Variants in PDE4D observed in about 807,000 individuals in gnomAD.
PDE4D encodes the protein 3',5'-cyclic-AMP phosphodiesterase 4D.
In PDE4D, 24 loss-of-function variants were observed where a neutral mutation model predicts 87.4. The observed-to-expected ratio is 0.27, with a 90% CI of 0.20 to 0.39. The LOEUF (loss-of-function observed/expected upper bound fraction) is 0.39. PDE4D is among the 10% of genes least tolerant of loss of function. PDE4D has a pLI of 1.00. For synonymous variants in PDE4D, 384 were observed against 383.2 expected, an observed-to-expected ratio of 1.00 and a Z score of -0.02; for missense variants, 714 against 1,041.0, an observed-to-expected ratio of 0.69 and a Z score of 4.32.
intron 3 of PDE4D, among the ~76,000 whole-genome samples, chr5:59,961,357 C>T (rs1224396100): frequency 6.6e-6 from 1 of 151,462 alleles, no homozygotes; most frequent in Non-Finnish European, 1.5e-5. Flanking sequence ...CCTCATGAAG[C>T]CCCATGCCAA....
chr5:59,727,733 C>A (rs1168986328), intron 1 of PDE4D, among the ~76,000 whole-genome samples: 2 of 152,012 alleles, frequency 1.3e-5, no homozygotes, highest in African/African-American at 4.8e-5. Context: ...TGTTCTTTTA[C>A]TCAGCAGTAA....
intron 1 of PDE4D, among the ~76,000 whole-genome samples, chr5:60,487,252 A>G (rs1454837124): frequency 6.6e-6 from 1 of 152,176 alleles, no homozygotes; most frequent in African/African-American, 2.4e-5. Context: ...ACAAATTCCA[A>G]TCCACATACT....
At chr5:59,400,314 CA>C (rs1790342922) in intron 1 of PDE4D, among the ~76,000 whole-genome samples, 1 of 115,428 alleles carries the variant, frequency 8.7e-6, no homozygotes. Context: ...TTCACAATAG[CA>C]AAGACTTGGA....
chr5:60,112,767 G>A (rs999664108), intron 2 of PDE4D, among the ~76,000 whole-genome samples: 1 of 152,006 alleles, frequency 6.6e-6, no homozygotes, highest in African/African-American at 2.4e-5. Context: ...TTAGTTCCTG[G>A]CTATATCCTA....
chr5:60,488,061 T>C (rs1359832600), exon 1 of PDE4D: 1 of 152,638 alleles, frequency 6.6e-6, no homozygotes, highest in Non-Finnish European at 1.5e-5. Flanking sequence ...GTACGCCAAC[T>C]ATAGGACTCG....
intron 1 of PDE4D, among the ~76,000 whole-genome samples, chr5:59,293,242 A>G (rs1006800511): frequency 2.0e-5 from 3 of 152,174 alleles, no homozygotes; most frequent in Non-Finnish European, 4.4e-5. Flanking sequence ...AGTTATTTAA[A>G]TGATTCTAGT....
At chr5:59,989,250 A>C (rs1332035157) in intron 2 of PDE4D, among the ~76,000 whole-genome samples, 1 of 151,636 alleles carries the variant, frequency 6.6e-6, no homozygotes, top group African/African-American at 2.4e-5. Context: ...TGTAATAAAT[A>C]CTGTAGGCAA....
intron 1 of PDE4D, among the ~76,000 whole-genome samples, chr5:60,242,677 G>A (rs770683681): frequency 6.6e-6 from 1 of 151,922 alleles, no homozygotes; most frequent in African/African-American, 2.4e-5. Context: ...AAAACAAGAG[G>A]AATTTTGGAA....
intron 1 of PDE4D, among the ~76,000 whole-genome samples, chr5:59,495,897 C>T (rs1426483738): frequency 6.6e-6 from 1 of 152,138 alleles, no homozygotes; most frequent in Non-Finnish European, 1.5e-5. Context: ...CCCCAGTGGG[C>T]ATGTGCTACC....
rs1046909511 is a variant in PDE4D at position 59,589,676 on chromosome 5, T to C, written c.455+303492A>G. Among the ~76,000 whole-genome samples the C allele has an allele frequency of 5.3e-5, 8 of 152,212 alleles. No individual in the cohort carries two copies. In the South Asian group the frequency reaches 6.2e-4, roughly 12 times the overall value. ...AAACCATCACCTATGGGTGATAGGA[T>C]AGTAAGAATACCTCTGAATCTTTCT... On this transcript the variant is annotated intron_variant, in intron 1 of 14. Coordinates refer to ENST00000340635, the MANE Select transcript of PDE4D (RefSeq NM_001104631.2).
chr5:59,156,320 A>ATATATATAT (rs1554082852), intron 5 of PDE4D, among the ~76,000 whole-genome samples: 3,591 of 81,150 alleles, frequency 0.044, 139 homozygotes, highest in African/African-American at 0.084. Flanking sequence ...AAAAAAAAAA[A>ATATATATAT]ATATATATAT....
intron 1 of PDE4D, among the ~76,000 whole-genome samples, chr5:59,238,378 G>A (rs1414876123): frequency 1.3e-5 from 2 of 152,068 alleles, no homozygotes; most frequent in East Asian, 3.9e-4. Context: ...TGGAATAGTA[G>A]GTAACAGTAA....
At chr5:59,261,876 T>C (rs4618401) in intron 1 of PDE4D, among the ~76,000 whole-genome samples, 17,971 of 151,864 alleles carry the variant, frequency 0.12, 1,099 homozygotes, top group Middle Eastern at 0.17. Flanking sequence ...TAAAATGGCA[T>C]GGATTTCCAG....
At chr5:60,364,042 A>G (rs144095211) in intron 1 of PDE4D, among the ~76,000 whole-genome samples, 137 of 152,338 alleles carry the variant, frequency 9.0e-4, no homozygotes, top group African/African-American at 3.1e-3. Context: ...AGTTGTAACT[A>G]TGCAAATATC....
chr5:59,332,644 T>C (rs74641001), intron 1 of PDE4D, among the ~76,000 whole-genome samples: 2,084 of 152,340 alleles, frequency 0.014, 18 homozygotes, highest in Non-Finnish European at 0.023. Flanking sequence ...CACAGTCTTT[T>C]CCAAACTTCT....
At position 60,251,919 on chromosome 5, in the gene PDE4D, A is replaced by G. The variant is rs116161700; in HGVS notation, c.-89-66232T>C. On this transcript the variant is annotated intron_variant, in intron 1 of 16. Coordinates refer to the PDE4D transcript ENST00000502484. ...AAGCTTCATTCATGGTAAGTGTCCTATACAGAGGTCACTTTTTTTCCTCTT... is the reference window on the plus strand; with the variant it reads ...AAGCTTCATTCATGGTAAGTGTCCTGTACAGAGGTCACTTTTTTTCCTCTT... 3.0e-3 allele frequency among the ~76,000 whole-genome samples: 455 copies of G among 152,002 alleles called. 2 individuals are homozygous for G. Among genetic ancestry groups the G allele is most frequent in the African/African-American group, 0.01 (425 of 41,510 alleles).
chr5:58,994,936 C>T (rs923223593), intron 6 of PDE4D, among the ~76,000 whole-genome samples: 1 of 127,270 alleles, frequency 7.9e-6, no homozygotes. Context: ...ACAACAAGCC[C>T]CAATGTGTGA....
chr5:59,075,075 A>AACAC (rs70973189), intron 5 of PDE4D, among the ~76,000 whole-genome samples: 6,383 of 129,800 alleles, frequency 0.049, 201 homozygotes, highest in Admixed American at 0.1. Flanking sequence ...AAGCTTACAA[A>AACAC]ACACACACAC....
At chr5:59,718,037 T>C (rs931354585) in intron 1 of PDE4D, among the ~76,000 whole-genome samples, 2 of 152,334 alleles carry the variant, frequency 1.3e-5, no homozygotes, top group African/African-American at 4.8e-5. Context: ...TGGTATAGAC[T>C]GCCCACAATC....
Sources: allele counts gnomAD v4.1 joint callset (sites outside exome capture counted in the v4.1 genomes callset), GRCh38; gene constraint gnomAD v4.1.1; transcripts MANE v1.5; gene names NCBI Gene and HGNC (gene_info 2026-07-23, HGNC 2026-07-21).